GRIK2: variants seen among roughly 807,000 people sequenced by gnomAD.
GRIK2 encodes the protein glutamate ionotropic receptor kainate type subunit 2.
In GRIK2, 32 loss-of-function variants were observed where a neutral mutation model predicts 100.3. The ratio of observed to expected loss-of-function variants is 0.32; its 90% CI spans 0.24 to 0.43. GRIK2 has a LOEUF of 0.43. Ranked by LOEUF, GRIK2 falls within the 20% of genes least tolerant of loss-of-function variation. The pLI, the probability that GRIK2 is intolerant of heterozygous loss-of-function variation, is 1.00. For missense variants in GRIK2, 843 were observed against 1,114.9 expected, an observed-to-expected ratio of 0.76 and a Z score of 3.47; for synonymous variants, 417 against 389.4, an observed-to-expected ratio of 1.07 and a Z score of -0.83.
At chr6:101,775,551 G>GT (rs754319016) in intron 7 of GRIK2, among the ~76,000 whole-genome samples, 21 of 150,498 alleles carry the variant, frequency 1.4e-4, no homozygotes, top group East Asian at 3.9e-4. Context: ...ATGTGTGTGA[G>GT]ATATATATAT....
intron 2 of GRIK2, among the ~76,000 whole-genome samples, chr6:101,559,341 C>T (rs1171900074): frequency 6.6e-6 from 1 of 152,044 alleles, no homozygotes; most frequent in East Asian, 1.9e-4. Context: ...TTGACACGGT[C>T]CAGGACTGAA....
chr6:101,691,831 C>T (rs1187128301), intron 7 of GRIK2, among the ~76,000 whole-genome samples: 2 of 151,804 alleles, frequency 1.3e-5, no homozygotes, highest in Non-Finnish European at 2.9e-5. Flanking sequence ...GTATATACAT[C>T]TTACAGCAGG....
intron 15 of GRIK2, among the ~76,000 whole-genome samples, chr6:102,042,455 T>C (rs2114457325): frequency 6.6e-6 from 1 of 151,710 alleles, no homozygotes; most frequent in Non-Finnish European, 1.5e-5. Context: ...CATAAACAAA[T>C]ACCTGTTATT....
intron 16 of GRIK2, 127 bp downstream of exon 16, chr6:102,055,707 T>C: frequency 3.2e-6 from 2 of 633,332 alleles, no homozygotes; most frequent in Non-Finnish European, 5.5e-6. Flanking sequence ...AATTGTCTTA[T>C]GTCATTCATT....
At chr6:101,760,896 A>G (rs1041582784) in intron 7 of GRIK2, among the ~76,000 whole-genome samples, 4 of 150,860 alleles carry the variant, frequency 2.7e-5, no homozygotes, top group Non-Finnish European at 5.9e-5. Flanking sequence ...TGACTTTGAC[A>G]GCTATGTTTT....
intron 7 of GRIK2, among the ~76,000 whole-genome samples, chr6:101,775,496 G>C (rs1446043728): frequency 2.0e-5 from 3 of 151,266 alleles, no homozygotes; most frequent in Admixed American, 6.6e-5. Context: ...CACATGTAGA[G>C]ACAAAAATCT....
intron 12 of GRIK2, among the ~76,000 whole-genome samples, chr6:101,900,997 G>A (rs1287805169): frequency 6.6e-6 from 1 of 151,698 alleles, no homozygotes; most frequent in African/African-American, 2.4e-5. Context: ...TCTGCCTGAA[G>A]TCTGTTAATT....
chr6:101,992,368 T>G (rs2128492524), intron 14 of GRIK2, among the ~76,000 whole-genome samples: 1 of 151,724 alleles, frequency 6.6e-6, no homozygotes, highest in Non-Finnish European at 1.5e-5. Flanking sequence ...ATTGCATAGA[T>G]AAAAGCCTAT....
chr6:102,035,548 G>A lies in GRIK2; in HGVS notation c.2293G>A (p.Gly765Ser). Residue 765 changes from glycine (G) to serine (S), a missense_variant, in exon 15 of 17, where the codon GGC becomes AGC. Coordinates refer to ENST00000369134, the MANE Select transcript of GRIK2 (RefSeq NM_021956.5). The stretch of plus-strand genomic sequence containing the variant: ...CGGCCTTATAGACTCTAAAGGTTAT[G>A]GCGTTGGCACTCCCATGGGTAGGTT... ...IGGLIDSKGY[G>S]VGTPMGSPYR... 1 of 1,596,724 alleles carries A rather than the reference G, an allele frequency of 6.3e-7. No individual in the cohort carries two copies. Among genetic ancestry groups the A allele is most frequent in the East Asian group, 2.2e-5 (1 of 44,716 alleles).
At chr6:101,491,288 A>AC (rs35949706) in intron 2 of GRIK2, among the ~76,000 whole-genome samples, 5 of 149,414 alleles carry the variant, frequency 3.3e-5, no homozygotes, top group African/African-American at 4.9e-5. Context: ...AAAAAAAAAA[A>AC]CCCAACCAAA....
At chr6:101,989,932 G>A (rs1413191618) in intron 14 of GRIK2, among the ~76,000 whole-genome samples, 1 of 151,352 alleles carries the variant, frequency 6.6e-6, no homozygotes, top group Non-Finnish European at 1.5e-5. Flanking sequence ...TGACTACAGT[G>A]GAAAGAAGGA....
At chr6:101,556,531 A>T (rs1184805495) in intron 2 of GRIK2, among the ~76,000 whole-genome samples, 1 of 151,752 alleles carries the variant, frequency 6.6e-6, no homozygotes, top group Admixed American at 6.6e-5. Context: ...TTATTTTTTT[A>T]AATGTTCAAT....
chr6:101,971,346 A>G (rs1004292941), intron 14 of GRIK2, among the ~76,000 whole-genome samples: 1 of 152,042 alleles, frequency 6.6e-6, no homozygotes, highest in African/African-American at 2.4e-5. Context: ...TCTTGTAAAC[A>G]TTTTATTTTG....
intron 14 of GRIK2, among the ~76,000 whole-genome samples, chr6:102,025,784 T>C (rs1769664237): frequency 6.6e-6 from 1 of 151,220 alleles, no homozygotes. Context: ...GCACACACAG[T>C]GCGTGGCATG....
At chr6:101,493,845 C>T (rs1411512746) in intron 2 of GRIK2, among the ~76,000 whole-genome samples, 1 of 150,014 alleles carries the variant, frequency 6.7e-6, no homozygotes, top group Non-Finnish European at 1.5e-5. Context: ...CAAGCAACAA[C>T]ATTATTTCTC....
intron 2 of GRIK2, among the ~76,000 whole-genome samples, chr6:101,460,294 A>G (rs1292068555): frequency 6.6e-6 from 1 of 152,186 alleles, no homozygotes; most frequent in African/African-American, 2.4e-5. Context: ...ACAAGGACAA[A>G]TGTTCAAAGG....
intron 2 of GRIK2, among the ~76,000 whole-genome samples, chr6:101,486,828 C>T (rs1008128142): frequency 2.0e-5 from 3 of 146,494 alleles, no homozygotes; most frequent in African/African-American, 5.2e-5. Context: ...CTCTCAGTAA[C>T]GAAGTATATG....
chr6:102,050,690 G>T (rs1771130966), intron 15 of GRIK2, among the ~76,000 whole-genome samples: 1 of 141,392 alleles, frequency 7.1e-6, no homozygotes. Flanking sequence ...TAAAAAGAGA[G>T]TACAGGAAAG....
At chr6:101,402,931 C>A (rs1379691086) in intron 2 of GRIK2, among the ~76,000 whole-genome samples, 5 of 152,192 alleles carry the variant, frequency 3.3e-5, no homozygotes, top group African/African-American at 1.2e-4. Flanking sequence ...ACCAATTCCA[C>A]GGCCTCTAAG....
Sources: allele counts gnomAD v4.1 joint callset (sites outside exome capture counted in the v4.1 genomes callset), GRCh38; gene constraint gnomAD v4.1.1; transcripts MANE v1.5; gene names NCBI Gene and HGNC (gene_info 2026-07-23, HGNC 2026-07-21).